Variants in CREBBP observed in about 807,000 individuals in gnomAD.
The protein encoded by CREBBP is CREB-binding protein.
CREBBP carries 19 observed loss-of-function variants against 265.0 expected under a neutral mutation model. That is an observed-to-expected ratio of 0.07 (90% CI 0.05 to 0.11). CREBBP has a LOEUF of 0.11. Ranked by LOEUF, CREBBP falls within the 10% of genes least tolerant of loss-of-function variation. CREBBP has a pLI of 1.00. For missense variants in CREBBP, 2,525 were observed against 3,219.0 expected (o/e 0.78, Z 5.22); for synonymous variants, 1,457 against 1,223.7 (o/e 1.19, Z -3.98).
rs1003467070 is a variant in CREBBP at position 3,729,978 on chromosome 16, G to C, written c.5173-104C>G. ...CGCTAAGTCTGGGTCTGTGCCAGGA[G>C]ACCCAGGCAGGATAGGAGACCCAGA... On this transcript the variant is annotated intron_variant, in intron 30 of 30. Transcript: ENST00000262367. 3.2e-6 allele frequency: 5 copies of C among 1,538,682 alleles called. No homozygotes were observed. The South Asian group carries it at 3.5e-5, about 11-fold the overall frequency.
chr16:3,746,208 TC>T (rs2052338321), intron 21 of CREBBP, among the ~76,000 whole-genome samples: 1 of 152,118 alleles, frequency 6.6e-6, no homozygotes, highest in Non-Finnish European at 1.5e-5. Flanking sequence ...GAGCTACAGC[TC>T]CTCTAAAGTG....
intron 12 of CREBBP, 43 bp from the exon 13 acceptor site, chr16:3,773,973 G>A (rs750743820): frequency 6.2e-7 from 1 of 1,605,768 alleles, no homozygotes; most frequent in Non-Finnish European, 8.5e-7. Flanking sequence ...TTCGGAAGCT[G>A]ACGGCCAGAG....
intron 16 of CREBBP, chr16:3,767,167 C>T (rs1376879440): frequency 6.3e-6 from 1 of 159,252 alleles, no homozygotes; most frequent in Non-Finnish European, 1.4e-5. Flanking sequence ...CCTCACACAT[C>T]TCAGACCCCA....
At chr16:3,733,524 A>G (rs1353864963) in intron 28 of CREBBP, among the ~76,000 whole-genome samples, 1 of 152,230 alleles carries the variant, frequency 6.6e-6, no homozygotes, top group Non-Finnish European at 1.5e-5. Flanking sequence ...CAACATCAAC[A>G]AATGGCTCAC....
chr16:3,821,667 C>G (rs902771839), intron 2 of CREBBP, among the ~76,000 whole-genome samples: 20 of 151,652 alleles, frequency 1.3e-4, no homozygotes, highest in Admixed American at 6.6e-5. Context: ...CAACTTCACA[C>G]GGGCAATGGA....
In CREBBP at chr16:3,731,857, G is replaced by A. The variant is rs2151319284; in HGVS notation, c.4809C>T (p.Ala1603=). The A allele has an allele frequency of 1.2e-6, 2 of 1,614,268 alleles. No individual in the cohort carries two copies. Among genetic ancestry groups the A allele is most frequent in the Non-Finnish European group, 1.7e-6 (2 of 1,180,044 alleles). Residue 1603 remains alanine (A), a synonymous_variant, in exon 29 of 31, where the codon GCC becomes GCT. Coordinates refer to ENST00000262367, the MANE Select transcript of CREBBP (RefSeq NM_004380.3). This position sits in a 1 kb window ranked among gnomAD's most constrained non-coding sequence, Gnocchi z 7.7. ...TNKNKSSISR[A]NKKKPSMPNV... is the part of the protein sequence containing the mutation. ...TGGGCATGCTGGGCTTCTTCTTGTT[G>A]GCGCGGCTGATGCTGCTTTTGTTCT...
Position 3,778,204 on chromosome 16 carries a change from T to C in CREBBP, c.1942-22A>G. 5 of 1,561,920 alleles carry C rather than the reference T, an allele frequency of 3.2e-6. No individual in the cohort carries two copies. The South Asian group carries it at 4.4e-5, about 14-fold the overall frequency. ...CATCCTAAAAAGCAATAATATTCAA[T>C]ATGAAACAGTTAAAACTGTAAAAAG... On this transcript the variant is annotated intron_variant, in intron 9 of 30. Transcript: ENST00000262367.
At chr16:3,878,127 C>T (rs2055441697) in intron 1 of CREBBP, among the ~76,000 whole-genome samples, 1 of 152,200 alleles carries the variant, frequency 6.6e-6, no homozygotes, top group Admixed American at 6.5e-5. Flanking sequence ...ACAACAAATT[C>T]ATTCAACAAC....
intron 1 of CREBBP, among the ~76,000 whole-genome samples, chr16:3,871,967 T>C (rs1313783451): frequency 1.3e-5 from 2 of 152,236 alleles, no homozygotes; most frequent in Non-Finnish European, 2.9e-5. Context: ...TTTAATCATG[T>C]AGAATTATTT....
chr16:3,768,110 G>A (rs1334781094), intron 15 of CREBBP, among the ~76,000 whole-genome samples: 2 of 132,700 alleles, frequency 1.5e-5, no homozygotes, highest in African/African-American at 5.7e-5. Flanking sequence ...CAGAGTCAGT[G>A]CAATTATGGT....
chr16:3,730,899 G>A (rs929893512), intron 30 of CREBBP, among the ~76,000 whole-genome samples: 1 of 152,230 alleles, frequency 6.6e-6, no homozygotes, highest in Admixed American at 6.5e-5. Flanking sequence ...CAGGACAGCG[G>A]GTGTTTCCAG....
At chr16:3,818,298 CT>C (rs1439460342) in intron 2 of CREBBP, among the ~76,000 whole-genome samples, 127 of 130,680 alleles carry the variant, frequency 9.7e-4, no homozygotes, top group African/African-American at 3.3e-3. Flanking sequence ...TTTAGGTTTT[CT>C]TTTCTTTTTT....
intron 1 of CREBBP, among the ~76,000 whole-genome samples, chr16:3,876,791 T>C (rs1412918106): frequency 2.0e-5 from 3 of 152,216 alleles, no homozygotes; most frequent in African/African-American, 7.2e-5. Flanking sequence ...ACATTCCGTA[T>C]TTCTGCATCA....
At chr16:3,809,562 C>G (rs2053896418) in intron 3 of CREBBP, among the ~76,000 whole-genome samples, 1 of 152,156 alleles carries the variant, frequency 6.6e-6, no homozygotes, top group South Asian at 2.1e-4. Flanking sequence ...CTGATTTTAT[C>G]AAACAAGTAA....
intron 2 of CREBBP, among the ~76,000 whole-genome samples, chr16:3,831,169 T>C (rs973497546): frequency 2.6e-5 from 4 of 152,130 alleles, no homozygotes; most frequent in Non-Finnish European, 5.9e-5. Context: ...ACAACCACCA[T>C]ACAAAGCATG....
intron 2 of CREBBP, among the ~76,000 whole-genome samples, chr16:3,844,399 A>C (rs1294846728): frequency 6.6e-6 from 1 of 152,212 alleles, no homozygotes; most frequent in South Asian, 2.1e-4. Flanking sequence ...AAATAAATGG[A>C]AAGTGAAAAA....
chr16:3,730,075 G>C (rs1246499819), intron 30 of CREBBP, among the ~76,000 whole-genome samples: 4 of 152,118 alleles, frequency 2.6e-5, no homozygotes, highest in African/African-American at 7.3e-5. Flanking sequence ...TCATGGACGG[G>C]ATGGGATCAT....
intron 23 of CREBBP, chr16:3,743,638 T>C (rs1567275749): frequency 6.6e-6 from 1 of 152,218 alleles, no homozygotes; most frequent in Non-Finnish European, 1.5e-5. Flanking sequence ...ACTGCTGCAG[T>C]TGCCGTTCTT....
chr16:3,730,685 G>A (rs2051890786), intron 30 of CREBBP: 1 of 186,934 alleles, frequency 5.3e-6, no homozygotes. Flanking sequence ...CAAGTGAGGA[G>A]GCTCCGGGTT....
Sources: allele counts gnomAD v4.1 joint callset (sites outside exome capture counted in the v4.1 genomes callset), GRCh38; gene constraint gnomAD v4.1.1; non-coding constraint Gnocchi (gnomAD v3.1); transcripts MANE v1.5; gene names NCBI Gene and HGNC (gene_info 2026-07-23, HGNC 2026-07-21).